RELN: variants seen among roughly 807,000 people sequenced by gnomAD.
RELN encodes the protein reelin.
A neutral mutation model predicts 427.6 loss-of-function variants in RELN; 108 were observed. The ratio of observed to expected loss-of-function variants is 0.25; its 90% CI spans 0.22 to 0.30. The LOEUF is 0.30. RELN is among the 10% of genes least tolerant of loss of function. RELN has a pLI of 1.00. For synonymous variants in RELN, 1,524 were observed against 1,513.4 expected, an observed-to-expected ratio of 1.01 and a Z score of -0.16; for missense variants, 3,715 against 4,302.8, an observed-to-expected ratio of 0.86 and a Z score of 3.82.
chr7:103,730,762 A>G (rs2115949554), intron 6 of RELN, among the ~76,000 whole-genome samples: 1 of 152,246 alleles, frequency 6.6e-6, no homozygotes, highest in South Asian at 2.1e-4. Context: ...GGTCTTTTAA[A>G]TGTCCTTTAC....
rs943966752 is a variant in RELN at position 103,953,973 on chromosome 7, G to C, written c.226+35158C>G. ...CAACAATAACAACAAAAACAGGCGG[G>C]GCATAGTGGCTCACGCCTGTAATCC... On this transcript the variant is annotated intron_variant, in intron 1 of 64. Coordinates refer to ENST00000428762, the MANE Select transcript of RELN (RefSeq NM_005045.4). The surrounding 1 kb of genome is among the most constrained non-coding windows in gnomAD (Gnocchi z 4.3). 5.3e-5 allele frequency among the ~76,000 whole-genome samples: 8 copies of C among 151,866 alleles called. No individual in the cohort carries two copies. The highest frequency in any genetic ancestry group is 1.7e-4 in the African/African-American group (7 of 41,328).
chr7:103,895,666 G>C (rs952112838), intron 2 of RELN, among the ~76,000 whole-genome samples: 2 of 151,952 alleles, frequency 1.3e-5, no homozygotes, highest in African/African-American at 4.8e-5. Flanking sequence ...GAAACATTGT[G>C]TATCAACTCT....
At chr7:103,554,515 A>C (rs1481587607) in intron 38 of RELN, among the ~76,000 whole-genome samples, 1 of 145,464 alleles carries the variant, frequency 6.9e-6, no homozygotes, top group African/African-American at 2.6e-5. Context: ...GGTTGCAGTG[A>C]GCCAAGATCA....
At chr7:103,928,489 T>C (rs1795792384) in intron 1 of RELN, among the ~76,000 whole-genome samples, 1 of 152,164 alleles carries the variant, frequency 6.6e-6, no homozygotes, top group Non-Finnish European at 1.5e-5. Flanking sequence ...TCTGTGTGAG[T>C]GGTCCTGGGA....
chr7:103,890,947 G>A lies in RELN; in HGVS notation c.337+26128C>T, dbSNP rs544167656. Among the ~76,000 whole-genome samples, 6 of 152,174 alleles carry A rather than the reference G, an allele frequency of 3.9e-5. 1 individual carries two copies. The highest frequency in any genetic ancestry group is 1.2e-4 in the African/African-American group (5 of 41,518). ...AAAAATTAGCTGGGCATGGTGGTGC[G>A]CACCTGTAATCCCAGCTGTAATCCC... On this transcript the variant is annotated intron_variant, in intron 2 of 64. Transcript: ENST00000428762.
chr7:103,632,651 G>A (rs1338496235), intron 19 of RELN, among the ~76,000 whole-genome samples: 1 of 152,048 alleles, frequency 6.6e-6, no homozygotes, highest in African/African-American at 2.4e-5. Flanking sequence ...TCCTAGAAGA[G>A]AACACAGAGA....
chr7:103,803,321 T>A (rs904162872), intron 3 of RELN, among the ~76,000 whole-genome samples: 1 of 152,156 alleles, frequency 6.6e-6, no homozygotes, highest in Non-Finnish European at 1.5e-5. Context: ...ATATATTTAG[T>A]AATTTTAAAT....
At chr7:103,716,853 T>C (rs1175479905) in intron 8 of RELN, among the ~76,000 whole-genome samples, 1 of 152,190 alleles carries the variant, frequency 6.6e-6, no homozygotes, top group East Asian at 1.9e-4. Context: ...TTCAGAGATA[T>C]CAGTCTGGGG....
rs41276157 is a variant in RELN at position 103,652,754 on chromosome 7, C to T, written c.1560G>A (p.Pro520=). 3.4e-5 allele frequency: 55 copies of T among 1,612,388 alleles called. No homozygotes were observed. Among genetic ancestry groups the T allele is most frequent in the Non-Finnish European group, 4.1e-5 (48 of 1,179,058 alleles). ...DTLSYSSYKV[P]SLVSVVINPE... Reference sequence around the variant, plus strand: ...GATTGATGACCACAGAAACCAAAGACGGAACCTTTCAAACAAAGGAGACCA... The same window carrying T: ...GATTGATGACCACAGAAACCAAAGATGGAACCTTTCAAACAAAGGAGACCA... Residue 520 remains proline (P), a synonymous_variant, in exon 14 of 65, where the codon CCG becomes CCA. Transcript: ENST00000428762.
At chr7:103,638,640 G>C (rs1832633563) in intron 17 of RELN, among the ~76,000 whole-genome samples, 1 of 152,116 alleles carries the variant, frequency 6.6e-6, no homozygotes, top group South Asian at 2.1e-4. Flanking sequence ...CCAGCCGTAA[G>C]CGAACAAAGC....
rs754610549 is a variant in RELN, at chr7:103,486,222, T to C, written c.9958A>G (p.Lys3320Glu). ...CTTGCTCGAGTGAGATCCAGAGGCT[T>C]GGTAGCTGCTTGCCTGATCTGACAG... is the stretch of plus-strand genomic sequence containing the variant. ...NGCQIRQAATKPLDLTRASKI... is the reference protein window; with the variant it reads ...NGCQIRQAATEPLDLTRASKI... Residue 3320 changes from lysine (K) to glutamate (E), a missense_variant, in exon 61 of 65, where the codon AAG (lysine) becomes GAG (glutamate). By Grantham distance (56) the Lys-to-Glu change is moderately conservative (BLOSUM62 1). This residue lies in a region of RELN where 195 missense variants were observed against 281.3 expected (regional missense o/e 0.69). Transcript: ENST00000428762. 1.2e-6 allele frequency: 2 copies of C among 1,613,838 alleles called. No individual in the cohort carries two copies. Among genetic ancestry groups the C allele is most frequent in the Non-Finnish European group, 1.7e-6 (2 of 1,180,016 alleles).
At chr7:103,913,319 G>C (rs1795410222) in intron 2 of RELN, among the ~76,000 whole-genome samples, 1 of 152,130 alleles carries the variant, frequency 6.6e-6, no homozygotes, top group Non-Finnish European at 1.5e-5. Context: ...ACTTTCAGAA[G>C]TACCTATTTA....
At chr7:103,538,000 T>A (rs571259645) in intron 45 of RELN, among the ~76,000 whole-genome samples, 1 of 152,338 alleles carries the variant, frequency 6.6e-6, no homozygotes, top group African/African-American at 2.4e-5. Context: ...CTTGATTTAC[T>A]GGACTTTCTT....
intron 6 of RELN, among the ~76,000 whole-genome samples, chr7:103,747,287 T>C (rs1338055977): frequency 6.6e-6 from 1 of 150,804 alleles, no homozygotes; most frequent in Non-Finnish European, 1.5e-5. Context: ...GGGAGTGGGA[T>C]AGCATTAGGA....
At chr7:103,496,461 A>G (rs1562852012) in intron 56 of RELN, 65 bp downstream of exon 56, 14 of 1,600,364 alleles carry the variant, frequency 8.7e-6, no homozygotes, top group Non-Finnish European at 1.2e-5. Context: ...GTGCTAATCT[A>G]TCTGAAGACA....
chr7:103,629,344 G>A (rs1296133114), intron 20 of RELN, among the ~76,000 whole-genome samples: 2 of 152,104 alleles, frequency 1.3e-5, no homozygotes, highest in African/African-American at 2.4e-5. Flanking sequence ...AAAATGAAGG[G>A]TAACTTAATT....
At chr7:103,723,098 C>T (rs758012309) in intron 8 of RELN, 42 bp downstream of exon 8, 4 of 1,301,902 alleles carry the variant, frequency 3.1e-6, no homozygotes, top group Middle Eastern at 1.8e-4. Context: ...TTAAAGCAAA[C>T]ATTTCCAAAT....
intron 3 of RELN, among the ~76,000 whole-genome samples, chr7:103,779,568 A>T (rs1791834421): frequency 6.6e-6 from 1 of 152,204 alleles, no homozygotes. Context: ...ATGTCACACC[A>T]CTGGTGGCAA....
chr7:103,657,216 T>C (rs1251679293), intron 12 of RELN, among the ~76,000 whole-genome samples: 1 of 152,070 alleles, frequency 6.6e-6, no homozygotes, highest in African/African-American at 2.4e-5. Flanking sequence ...ATCTTATGAT[T>C]TTGACATTTA....
Sources: allele counts gnomAD v4.1 joint callset (sites outside exome capture counted in the v4.1 genomes callset), GRCh38; gene constraint gnomAD v4.1.1; regional missense constraint gnomAD v4.1.1; non-coding constraint Gnocchi (gnomAD v3.1); transcripts MANE v1.5; gene names NCBI Gene and HGNC (gene_info 2026-07-23, HGNC 2026-07-21).